Variants in ERBB4 observed in about 807,000 individuals in gnomAD.
ERBB4 encodes the protein erb-b2 receptor tyrosine kinase 4.
In ERBB4, 42 loss-of-function variants were observed where a neutral mutation model predicts 158.0. The observed-to-expected ratio is 0.27, with a 90% confidence interval of 0.21 to 0.34. The LOEUF (loss-of-function observed/expected upper bound fraction) is 0.34, where lower values mean the gene tolerates loss of function less well. Ranked by LOEUF, ERBB4 falls within the 10% of genes least tolerant of loss-of-function variation. ERBB4 has a pLI of 1.00. For missense variants in ERBB4, 1,333 were observed against 1,624.1 expected (o/e 0.82, Z 3.08); for synonymous variants, 583 against 558.7 (o/e 1.04, Z -0.61).
chr2:211,623,322 C>A (rs1187571504), intron 18 of ERBB4, among the ~76,000 whole-genome samples: 1 of 151,622 alleles, frequency 6.6e-6, no homozygotes, highest in Non-Finnish European at 1.5e-5. Flanking sequence ...CATATAATGT[C>A]ACATTTTTAG....
intron 4 of ERBB4, among the ~76,000 whole-genome samples, chr2:211,752,499 A>G (rs909199143): frequency 6.7e-6 from 1 of 149,788 alleles, no homozygotes; most frequent in Admixed American, 6.8e-5. Flanking sequence ...TGGAAAAAAA[A>G]AAAAAAGAAA....
At chr2:212,448,411 G>A (rs2092395665) in intron 1 of ERBB4, among the ~76,000 whole-genome samples, 1 of 152,246 alleles carries the variant, frequency 6.6e-6, no homozygotes, top group African/African-American at 2.4e-5. Flanking sequence ...CGCACAAGAT[G>A]TTACAGAATA....
intron 2 of ERBB4, among the ~76,000 whole-genome samples, chr2:212,093,026 A>T (rs2078826218): frequency 6.6e-6 from 1 of 152,182 alleles, no homozygotes; most frequent in Non-Finnish European, 1.5e-5. Context: ...GTTACTTCAC[A>T]TGTCTGATCA....
intron 1 of ERBB4, among the ~76,000 whole-genome samples, chr2:212,239,644 T>C (rs2106009121): frequency 1.3e-5 from 2 of 152,310 alleles, no homozygotes; most frequent in East Asian, 3.9e-4. Flanking sequence ...AAGTACTTCC[T>C]TGCTGGAGAG....
chr2:211,636,915 G>A (rs2070384119), intron 16 of ERBB4, among the ~76,000 whole-genome samples: 1 of 151,672 alleles, frequency 6.6e-6, no homozygotes, highest in African/African-American at 2.4e-5. Context: ...GTAGGTGTGT[G>A]CATATATACA....
chr2:211,739,517 G>A (rs2074718770), intron 5 of ERBB4, among the ~76,000 whole-genome samples: 1 of 152,166 alleles, frequency 6.6e-6, no homozygotes, highest in South Asian at 2.1e-4. Context: ...AGGCTGGAGT[G>A]CAGTGGTGTG....
At chr2:211,990,032 T>A (rs1329588112) in intron 2 of ERBB4, among the ~76,000 whole-genome samples, 1 of 150,650 alleles carries the variant, frequency 6.6e-6, no homozygotes, top group African/African-American at 2.4e-5. Flanking sequence ...TAAGTATAAC[T>A]AAGTTAGGAA....
At position 211,901,241 on chromosome 2, in the gene ERBB4, T is replaced by C. The variant is rs1433442903; in HGVS notation, c.421+46189A>G. The stretch of plus-strand genomic sequence containing the variant: ...TAACCTTGAATAAGTCACTTAGCTA[T>C]TTTGAAATTCATTTTCTTCACCTGT... On this transcript the variant is annotated intron_variant, in intron 3 of 27. Transcript: ENST00000342788. Among the ~76,000 whole-genome samples the C allele has an allele frequency of 3.3e-5, 5 of 152,268 alleles. No individual in the cohort carries two copies. In the Middle Eastern group the frequency reaches 0.014, roughly 414 times the overall value.
At chr2:212,368,742 T>A (rs988139802) in intron 1 of ERBB4, among the ~76,000 whole-genome samples, 1 of 152,128 alleles carries the variant, frequency 6.6e-6, no homozygotes, top group African/African-American at 2.4e-5. Context: ...CCACTCTTTT[T>A]TCCCATGCCC....
chr2:212,337,963 CT>C (rs2088524737), intron 1 of ERBB4, among the ~76,000 whole-genome samples: 1 of 152,084 alleles, frequency 6.6e-6, no homozygotes, highest in African/African-American at 2.4e-5. Context: ...AAAGCAGACA[CT>C]TTTGAGAGTA....
At chr2:211,795,683 C>G (rs1056839453) in intron 3 of ERBB4, among the ~76,000 whole-genome samples, 7 of 151,542 alleles carry the variant, frequency 4.6e-5, no homozygotes, top group Admixed American at 4.6e-4. Flanking sequence ...CGGAGAAAAT[C>G]ATGAAGGACA....
chr2:212,087,573 C>T (rs1268712864), intron 2 of ERBB4, among the ~76,000 whole-genome samples: 1 of 151,958 alleles, frequency 6.6e-6, no homozygotes, highest in Non-Finnish European at 1.5e-5. Context: ...CACTTCCAGC[C>T]ACTCAGCACT....
intron 1 of ERBB4, among the ~76,000 whole-genome samples, chr2:212,351,287 T>C (rs898767695): frequency 2.0e-5 from 3 of 152,108 alleles, no homozygotes; most frequent in African/African-American, 7.2e-5. Context: ...AAGAGGGGCC[T>C]GAGCAGAAAT....
intron 2 of ERBB4, among the ~76,000 whole-genome samples, chr2:212,087,260 T>C (rs1281542998): frequency 1.4e-5 from 2 of 147,804 alleles, no homozygotes; most frequent in East Asian, 2.1e-4. Context: ...ATTTTTCCTA[T>C]GTTGCTTAGA....
intron 1 of ERBB4, among the ~76,000 whole-genome samples, chr2:212,229,190 T>C (rs1202645263): frequency 1.3e-5 from 2 of 151,988 alleles, no homozygotes; most frequent in Admixed American, 6.6e-5. Flanking sequence ...TTAACAATAA[T>C]AGAGAATGAC....
chr2:211,749,807 A>G (rs1260304003), intron 5 of ERBB4, among the ~76,000 whole-genome samples: 2 of 152,188 alleles, frequency 1.3e-5, no homozygotes, highest in East Asian at 3.9e-4. Context: ...TTTCTGTATC[A>G]TCTATGATAA....
intron 3 of ERBB4, among the ~76,000 whole-genome samples, chr2:211,902,324 A>G (rs894964639): frequency 4.6e-5 from 7 of 152,092 alleles, no homozygotes; most frequent in African/African-American, 1.4e-4. Flanking sequence ...TTTTTCTAAC[A>G]GTAAACACAG....
intron 20 of ERBB4, among the ~76,000 whole-genome samples, chr2:211,546,337 A>G (rs1168635099): frequency 6.6e-6 from 1 of 152,150 alleles, no homozygotes; most frequent in East Asian, 1.9e-4. Flanking sequence ...TTATGTGTAT[A>G]TGCATGTGTA....
intron 3 of ERBB4, among the ~76,000 whole-genome samples, chr2:211,831,575 A>G (rs1385958970): frequency 1.3e-5 from 2 of 152,186 alleles, no homozygotes; most frequent in Non-Finnish European, 2.9e-5. Flanking sequence ...GTTTCCTAAC[A>G]AACTATTAAG....
Sources: gnomAD v4.1 joint callset for allele counts (sites outside exome capture counted in the v4.1 genomes callset) on GRCh38, gnomAD v4.1.1 for gene constraint, MANE v1.5 for transcripts, NCBI Gene and HGNC (gene_info 2026-07-23, HGNC 2026-07-21) for gene names.